The following FRYL variants were observed in gnomAD, a reference collection of about 807,000 sequenced individuals.
The protein encoded by FRYL is FRY like transcription coactivator, also known as protein furry homolog-like.
A neutral mutation model predicts 351.2 loss-of-function variants in FRYL; 150 were observed. The observed-to-expected ratio is 0.43, with a 90% CI of 0.37 to 0.49. The LOEUF (loss-of-function observed/expected upper bound fraction) is 0.49. Among genes scored for constraint, FRYL ranks in the 20% least tolerant of loss-of-function variants. The pLI is 0.00. For missense variants in FRYL, 3,036 were observed against 3,619.3 expected, an observed-to-expected ratio of 0.84 and a Z score of 4.13; for synonymous variants, 1,153 against 1,257.1, an observed-to-expected ratio of 0.92 and a Z score of 1.75.
rs770021669 is a variant in FRYL, at chr4:48,553,254, G to A, written c.4396C>T (p.Arg1466Cys). The A allele has an allele frequency of 1.4e-5, 23 of 1,613,272 alleles. No homozygotes were observed. In the South Asian group the frequency reaches 1.4e-4, roughly 10 times the overall value. The change falls in exon 36 of 64, where the codon CGC becomes TGC. Residue 1466 changes from arginine (R) to cysteine (C), a missense_variant. Coordinates refer to ENST00000358350, the MANE Select transcript of FRYL (RefSeq NM_015030.2). The stretch of plus-strand genomic sequence containing the variant: ...GGGATTTTATAGCTGGAAGTGATGC[G>A]ATAATACGGGGGATTATCCATGTGA... ...VTHMDNPPYY[R>C]ITSSYKIPSV...
At chr4:48,593,247 A>G (rs535873915) in intron 16 of FRYL, among the ~76,000 whole-genome samples, 2 of 128,998 alleles carry the variant, frequency 1.6e-5, no homozygotes, top group East Asian at 4.6e-4. Flanking sequence ...AATATAAACA[A>G]TGTGAAGTAA....
At chr4:48,566,701 C>A (rs1282667483) in intron 28 of FRYL, among the ~76,000 whole-genome samples, 1 of 152,080 alleles carries the variant, frequency 6.6e-6, no homozygotes, top group Non-Finnish European at 1.5e-5. Flanking sequence ...ATAGTGTATG[C>A]CAAAGGCTAG....
At chr4:48,729,615 A>G (rs1770501101) in intron 1 of FRYL, among the ~76,000 whole-genome samples, 1 of 152,138 alleles carries the variant, frequency 6.6e-6, no homozygotes, top group Non-Finnish European at 1.5e-5. Context: ...TCTGGAGTGG[A>G]CCTCCAGCAA....
intron 16 of FRYL, among the ~76,000 whole-genome samples, chr4:48,593,651 A>C (rs1184304351): frequency 2.0e-5 from 3 of 152,186 alleles, no homozygotes; most frequent in Admixed American, 6.5e-5. Context: ...GGCATGAGCC[A>C]CCGTGCCCGG....
intron 3 of FRYL, among the ~76,000 whole-genome samples, chr4:48,671,187 T>C (rs1762602990): frequency 6.6e-6 from 1 of 152,230 alleles, no homozygotes; most frequent in African/African-American, 2.4e-5. Flanking sequence ...TGATTTACAC[T>C]TCTCTGATCA....
Position 48,549,122 on chromosome 4 carries a change from G to C in FRYL, c.4785-329C>G, listed in dbSNP as rs1016942686. On this transcript the variant is annotated intron_variant, in intron 39 of 63. Coordinates refer to ENST00000358350, the MANE Select transcript of FRYL (RefSeq NM_015030.2). The surrounding 1 kb of genome is among the most constrained non-coding windows in gnomAD (Gnocchi z 4.2). ...TACATTTTGAAAGAATGCAGTAATT[G>C]CTCTATTGTGATTTTGCTAAGTAGA... 1.3e-5 allele frequency among the ~76,000 whole-genome samples: 2 copies of C among 152,076 alleles called. No individual in the cohort carries two copies. The highest frequency in any genetic ancestry group is 2.9e-5 in the Non-Finnish European group (2 of 68,020).
chr4:48,617,603 T>TC (rs1458403206), intron 7 of FRYL: 4 of 151,880 alleles, frequency 2.6e-5, no homozygotes, highest in Non-Finnish European at 5.9e-5. Flanking sequence ...TTCTTTTTTT[T>TC]CCCCTACATG....
rs192465060 is a variant in FRYL at position 48,771,206 on chromosome 4, G to C, written c.-384+8872C>G. 6.6e-5 allele frequency among the ~76,000 whole-genome samples: 10 copies of C among 152,204 alleles called. No individual in the cohort carries two copies. The East Asian group carries it at 1.9e-3, about 29-fold the overall frequency. ...AGTATTTACTGAAAGTATATTAAGG[G>C]TTCAGTAGTATCAGGAATATTACAT... On this transcript the variant is annotated intron_variant, in intron 1 of 63. Coordinates refer to ENST00000358350, the MANE Select transcript of FRYL (RefSeq NM_015030.2).
intron 18 of FRYL, among the ~76,000 whole-genome samples, chr4:48,587,345 T>C (rs1327821291): frequency 1.3e-5 from 2 of 152,118 alleles, no homozygotes; most frequent in East Asian, 1.9e-4. Context: ...AATTTTACTA[T>C]ATTTTCTTCT....
rs1296365180 is a variant in FRYL at position 48,506,614 on chromosome 4, TAATATATATATATATATATATA to T, written c.8395-1021_8395-1000del. 5.6e-4 allele frequency: 44 copies of T among 78,008 alleles called. 1 individual carries two copies. Among genetic ancestry groups the T allele is most frequent in the South Asian group, 1.0e-3 (2 of 1,972 alleles). 4.8% of individuals were successfully genotyped at this position (78,008 alleles called of 1,614,324 possible). On this transcript the variant is annotated intron_variant, in intron 59 of 63. Transcript: ENST00000358350. The stretch of plus-strand genomic sequence containing the variant: ...AAATTATACTATTAAACAATACAAC[TAATATATATATATATATATATA>T]TATATATATATATATATATATATAT...
At chr4:48,594,976 C>T (rs960690970) in intron 15 of FRYL, among the ~76,000 whole-genome samples, 2 of 152,146 alleles carry the variant, frequency 1.3e-5, no homozygotes, top group Non-Finnish European at 2.9e-5. Flanking sequence ...ATAATTTAAA[C>T]CCTGCCAAGT....
In FRYL at chr4:48,562,979, T is replaced by A; in HGVS notation, c.3606A>T (p.Gln1202His). The change falls in exon 32 of 64, where the codon CAA becomes CAT. Residue 1202 changes from glutamine to histidine, a missense_variant. Around this residue, in one of 7 missense-constraint regions of FRYL, gnomAD observed 1,987 missense variants for 2,311.7 expected, o/e 0.86. Transcript: ENST00000358350. ...IANVFQNRDY[Q>H]CDTVMLLNLI... ...GATTTAGAAGCATCACTGTGTCACA[T>A]TGATAATCCCTAGGAATAAATTTTA... The A allele has an allele frequency of 6.3e-7, 1 of 1,580,318 alleles. No homozygotes were observed. Among genetic ancestry groups the A allele is most frequent in the African/African-American group, 1.3e-5 (1 of 74,228 alleles).
chr4:48,742,844 A>G (rs774074461), intron 1 of FRYL, among the ~76,000 whole-genome samples: 2 of 151,950 alleles, frequency 1.3e-5, no homozygotes, highest in Non-Finnish European at 2.9e-5. Context: ...TTTTTGAGAC[A>G]GAGTTTGGCT....
chr4:48,540,414 G>A lies in FRYL; in HGVS notation c.6234C>T (p.His2078=), dbSNP rs1419641965. Reference sequence around the variant, plus strand: ...AGACAGAAATGAGTTTACTGAGGAGGTGCACGGTCATTTCTTGTGTAGATG... The same window carrying A: ...AGACAGAAATGAGTTTACTGAGGAGATGCACGGTCATTTCTTGTGTAGATG... ...TSASTQEMTV[H]LLSKLISVSK... Residue 2078 remains histidine (H), a synonymous_variant, in exon 46 of 64, where the codon CAC becomes CAT. Coordinates refer to ENST00000358350, the MANE Select transcript of FRYL (RefSeq NM_015030.2). 9.9e-6 allele frequency: 16 copies of A among 1,613,656 alleles called. No homozygotes were observed. Among genetic ancestry groups the A allele is most frequent in the Admixed American group, 1.7e-5 (1 of 59,986 alleles).
intron 45 of FRYL, among the ~76,000 whole-genome samples, chr4:48,541,385 A>T (rs145075068): frequency 8.6e-4 from 131 of 152,318 alleles, no homozygotes; most frequent in African/African-American, 2.9e-3. Context: ...CCTTCCTCAC[A>T]TCCAATTTTT....
chr4:48,759,193 C>T (rs115921369), intron 1 of FRYL, among the ~76,000 whole-genome samples: 2,771 of 151,810 alleles, frequency 0.018, 84 homozygotes, highest in African/African-American at 0.063. Flanking sequence ...AACAAACCCG[C>T]GTATTGTGCA....
intron 3 of FRYL, among the ~76,000 whole-genome samples, chr4:48,647,357 G>C (rs1376009175): frequency 6.6e-6 from 1 of 152,058 alleles, no homozygotes; most frequent in African/African-American, 2.4e-5. Flanking sequence ...ATAAAATAGA[G>C]GGTCAAATTT....
intron 22 of FRYL, 105 bp from the exon 23 acceptor site, chr4:48,579,346 C>A: frequency 1.1e-6 from 1 of 899,266 alleles, no homozygotes; most frequent in Non-Finnish European, 1.7e-6. Flanking sequence ...GTTTCTAAAA[C>A]AAGATAATAT....
chr4:48,612,227 C>A (rs1012354691), intron 7 of FRYL, among the ~76,000 whole-genome samples: 3 of 151,840 alleles, frequency 2.0e-5, no homozygotes, highest in African/African-American at 7.3e-5. Flanking sequence ...CCAGTCTGTA[C>A]CTGAATCTTT....
Sources: gnomAD v4.1 joint callset for allele counts (sites outside exome capture counted in the v4.1 genomes callset) on GRCh38, gnomAD v4.1.1 for gene constraint, gnomAD v4.1.1 regional missense constraint, Gnocchi (gnomAD v3.1) non-coding constraint, MANE v1.5 for transcripts, NCBI Gene and HGNC (gene_info 2026-07-23, HGNC 2026-07-21) for gene names.